The following RAD23B variants were observed in gnomAD, a reference collection of about 807,000 sequenced individuals.
RAD23B encodes the protein lysine-specific demethylase RAD23B.
A neutral mutation model predicts 49.1 loss-of-function variants in RAD23B; 5 were observed. The observed-to-expected ratio is 0.10, with a 90% CI of 0.05 to 0.21. RAD23B has a LOEUF of 0.21. Among genes scored for constraint, RAD23B ranks in the 10% least tolerant of loss-of-function variants. The pLI is 1.00. For synonymous variants in RAD23B, 184 were observed against 165.4 expected, an observed-to-expected ratio of 1.11 and a Z score of -0.86; for missense variants, 356 against 486.7, an observed-to-expected ratio of 0.73 and a Z score of 2.53.
At chr9:107,289,309 C>T (rs2133063404) in intron 1 of RAD23B, among the ~76,000 whole-genome samples, 1 of 152,154 alleles carries the variant, frequency 6.6e-6, no homozygotes, top group South Asian at 2.1e-4. Flanking sequence ...CTAAGCCTCC[C>T]CAGTAGCTGG....
Position 107,331,544 on chromosome 9 carries a change from TA to T in RAD23B, c.*1892del. ...GATCATGCATAATTTCTCAGGAGAA[TA>T]AAATGAGAATTCATATATACGTTCA... On this transcript the variant is annotated 3_prime_UTR_variant, in exon 10 of 10. Coordinates refer to ENST00000358015, the MANE Select transcript of RAD23B (RefSeq NM_002874.5). 1 of 624,098 alleles carries T rather than the reference TA, an allele frequency of 1.6e-6. No individual in the cohort carries two copies. The allele number at this position is 624,098 out of a possible 1,614,324, so 38.7% of individuals were successfully genotyped here. A position where few individuals can be genotyped will look rare whatever the true frequency, so the allele number is the denominator to read the frequency against.
In RAD23B at chr9:107,306,724, G is replaced by T. The variant is rs927462331; in HGVS notation, c.497+77G>T. The stretch of plus-strand genomic sequence containing the variant: ...ACTTCATGCATTTATTTTGATTATT[G>T]TTTTGATCAAACCGACTATATCTAT... On this transcript the variant is annotated intron_variant, in intron 4 of 9. Coordinates refer to ENST00000358015, the MANE Select transcript of RAD23B (RefSeq NM_002874.5). 2.1e-6 allele frequency: 3 copies of T among 1,461,090 alleles called. 1 individual carries two copies. Among genetic ancestry groups the T allele is most frequent in the Admixed American group, 4.2e-5 (2 of 48,042 alleles). The allele number at this position is 1,461,090 out of a possible 1,614,324, so 90.5% of individuals were successfully genotyped here.
At chr9:107,308,159 G>C (rs1261589002) in intron 4 of RAD23B, among the ~76,000 whole-genome samples, 2 of 149,034 alleles carry the variant, frequency 1.3e-5, no homozygotes, top group African/African-American at 4.9e-5. Context: ...TTTTAGAGTT[G>C]ATCAATACAT....
intron 4 of RAD23B, among the ~76,000 whole-genome samples, chr9:107,308,932 T>A (rs149593585): frequency 1.9e-4 from 29 of 152,282 alleles, no homozygotes; most frequent in African/African-American, 7.0e-4. Context: ...TGACCTGACG[T>A]TTTGTTATTA....
intron 1 of RAD23B, among the ~76,000 whole-genome samples, chr9:107,293,763 A>G (rs1011836864): frequency 6.6e-6 from 1 of 152,136 alleles, no homozygotes; most frequent in Non-Finnish European, 1.5e-5. Context: ...CTCATGCATG[A>G]CCTAAATTTG....
rs1208805672 is a variant in RAD23B at position 107,331,865 on chromosome 9, C to G, written c.*2209C>G. Reference sequence around the variant, plus strand: ...CTGCTTCTTAAAGAATCAGCCGAGACACCATAAAAGAAATAGGCTTTTTGT... The same window carrying G: ...CTGCTTCTTAAAGAATCAGCCGAGAGACCATAAAAGAAATAGGCTTTTTGT... On this transcript the variant is annotated 3_prime_UTR_variant, in exon 10 of 10. Transcript: ENST00000358015. 1.8e-6 allele frequency: 1 copy of G among 551,034 alleles called. No homozygotes were observed. Among genetic ancestry groups the G allele is most frequent in the African/African-American group, 1.9e-5 (1 of 52,978 alleles). The allele number at this position is 551,034 out of a possible 1,614,324, so 34.1% of individuals were successfully genotyped here. A position where few individuals can be genotyped will look rare whatever the true frequency, so the allele number is the denominator to read the frequency against.
In RAD23B at chr9:107,300,127, T is replaced by C; in HGVS notation, c.67-14T>C. Reference sequence around the variant, plus strand: ...TTAGACTTTTTCCAAAACAAATCTTTATTTTTCCTATAGGTGAAAGCACTG... The same window carrying C: ...TTAGACTTTTTCCAAAACAAATCTTCATTTTTCCTATAGGTGAAAGCACTG... On this transcript the variant is annotated splice_polypyrimidine_tract_variant and intron_variant, in intron 1 of 9. Transcript: ENST00000358015. 1 of 1,589,808 alleles carries C rather than the reference T, an allele frequency of 6.3e-7. No individual in the cohort carries two copies. Among genetic ancestry groups the C allele is most frequent in the Non-Finnish European group, 8.5e-7 (1 of 1,171,918 alleles).
intron 1 of RAD23B, among the ~76,000 whole-genome samples, chr9:107,285,947 A>C (rs1334621097): frequency 1.3e-5 from 2 of 152,248 alleles, no homozygotes; most frequent in African/African-American, 4.8e-5. Flanking sequence ...TTAGAATTCC[A>C]GTAAGAAAAT....
At chr9:107,284,007 C>T (rs1833218635) in intron 1 of RAD23B, 3 of 1,085,186 alleles carry the variant, frequency 2.8e-6, no homozygotes, top group Non-Finnish European at 3.3e-6. Context: ...TGGGAAGGTC[C>T]AGGCCGTCTC....
rs34042765 is a variant in RAD23B, at chr9:107,325,313, C to CAAAAAAAA, written c.1116+330_1116+337dup. On this transcript the variant is annotated intron_variant, in intron 9 of 9. Coordinates refer to ENST00000358015, the MANE Select transcript of RAD23B (RefSeq NM_002874.5). ...TGGGCAACAGAGTGAGACTCTGTCT[C>CAAAAAAAA]AAAAAAAAAAAAAAAAAAAAAAAAA... Among the ~76,000 whole-genome samples the CAAAAAAAA allele has an allele frequency of 1.4e-3, 87 of 61,376 alleles. 3 individuals carry two copies. Among genetic ancestry groups the CAAAAAAAA allele is most frequent in the African/African-American group, 5.2e-3 (79 of 15,214 alleles). The allele number at this position is 61,376 out of a possible 152,430, so 40.3% of individuals were successfully genotyped here.
chr9:107,308,112 G>A (rs1363643846), intron 4 of RAD23B, among the ~76,000 whole-genome samples: 1 of 149,410 alleles, frequency 6.7e-6, no homozygotes, highest in Admixed American at 6.6e-5. Flanking sequence ...ATTGCTTTAA[G>A]CTCCTTTTTA....
chr9:107,314,008 C>T (rs926977825), intron 5 of RAD23B, among the ~76,000 whole-genome samples: 1 of 151,796 alleles, frequency 6.6e-6, no homozygotes, highest in African/African-American at 2.4e-5. Context: ...CTTAAAGTCT[C>T]TGGAATATTT....
intron 6 of RAD23B, among the ~76,000 whole-genome samples, chr9:107,319,376 C>T (rs11573692): frequency 0.016 from 2,439 of 152,022 alleles, 69 homozygotes; most frequent in African/African-American, 0.055. Context: ...GTGATCCGCC[C>T]GCCTCAGCCT....
In RAD23B at chr9:107,329,926, G is replaced by T. The variant is rs1000672289; in HGVS notation, c.*270G>T. 69 of 219,856 alleles carry T rather than the reference G, an allele frequency of 3.1e-4. 1 individual carries two copies. The highest frequency in any genetic ancestry group is 1.1e-4 in the Admixed American group (2 of 17,502). 13.6% of individuals were successfully genotyped at this position (219,856 alleles called of 1,614,324 possible). On this transcript the variant is annotated 3_prime_UTR_variant, in exon 10 of 10. Transcript: ENST00000358015. ...AGGTCTTTATTTCTTCTGTAAAACA[G>T]TAGGTAACTTTTCCTAGGTTTCACT...
intron 7 of RAD23B, 118 bp from the exon 8 acceptor site, chr9:107,323,772 C>T (rs1587864131): frequency 1.0e-6 from 1 of 984,796 alleles, no homozygotes; most frequent in East Asian, 2.5e-5. Context: ...CATTTTATTA[C>T]ATCTGAGAAC....
chr9:107,295,834 C>T (rs1470077387), intron 1 of RAD23B, among the ~76,000 whole-genome samples: 1 of 152,116 alleles, frequency 6.6e-6, no homozygotes, highest in Non-Finnish European at 1.5e-5. Context: ...AGGTTGAGTA[C>T]TGACAAATAA....
At chr9:107,317,201 A>G (rs536728548) in intron 5 of RAD23B, among the ~76,000 whole-genome samples, 1 of 152,274 alleles carries the variant, frequency 6.6e-6, no homozygotes, top group South Asian at 2.1e-4. Flanking sequence ...AATCCCATCT[A>G]GAGACTGTTG....
intron 1 of RAD23B, among the ~76,000 whole-genome samples, chr9:107,294,899 T>C (rs1196650272): frequency 6.6e-6 from 1 of 151,974 alleles, no homozygotes; most frequent in African/African-American, 2.4e-5. Context: ...AATGGAGAGA[T>C]AGGAAAACCA....
chr9:107,304,463 T>G (rs1335565610), intron 3 of RAD23B, among the ~76,000 whole-genome samples: 1 of 135,238 alleles, frequency 7.4e-6, no homozygotes, highest in Non-Finnish European at 1.6e-5. Flanking sequence ...AGTAATAATC[T>G]GCAGAATATT....
Sources: gnomAD v4.1 joint callset for allele counts (sites outside exome capture counted in the v4.1 genomes callset) on GRCh38, gnomAD v4.1.1 for gene constraint, MANE v1.5 for transcripts, NCBI Gene and HGNC (gene_info 2026-07-23, HGNC 2026-07-21) for gene names.